The following DPH6 variants were observed in gnomAD, a reference collection of about 807,000 sequenced individuals.
DPH6 encodes the protein diphthamine biosynthesis 6.
DPH6 carries 33 observed loss-of-function variants against 38.2 expected under a neutral mutation model. The observed-to-expected ratio is 0.86, with a 90% CI of 0.65 to 1.15. DPH6 has a LOEUF of 1.15. Ranked by LOEUF, DPH6 falls within the 50% of genes most tolerant of loss-of-function variation. The pLI, the probability that DPH6 is intolerant of heterozygous loss-of-function variation, is 0.00. For missense variants in DPH6, 325 were observed against 320.0 expected (o/e 1.02, Z -0.12); for synonymous variants, 108 against 103.0 (o/e 1.05, Z -0.30).
chr15:35,526,410 T>C (rs1425452963), intron 3 of DPH6, among the ~76,000 whole-genome samples: 1 of 152,176 alleles, frequency 6.6e-6, no homozygotes, highest in African/African-American at 2.4e-5. Flanking sequence ...CATAATTTTG[T>C]CAAAGTTAGA....
chr15:35,468,058 G>C (rs984853590), intron 3 of DPH6, among the ~76,000 whole-genome samples: 1 of 152,130 alleles, frequency 6.6e-6, no homozygotes, highest in African/African-American at 2.4e-5. Context: ...TCATAAAACT[G>C]AATTTCTTGA....
intron 3 of DPH6, among the ~76,000 whole-genome samples, chr15:35,510,302 G>T (rs193276125): frequency 6.6e-6 from 1 of 152,140 alleles, no homozygotes; most frequent in African/African-American, 2.4e-5. Context: ...GAACTTTGTC[G>T]TATCATCTCC....
chr15:35,205,300 G>A, the DPH6 span, among the ~76,000 whole-genome samples: 1 of 151,842 alleles, frequency 6.6e-6, no homozygotes, highest in Non-Finnish European at 1.5e-5. Context: ...GAGTTTTGAA[G>A]GTATCTGGAG....
At chr15:35,534,784 T>C (rs971809186) in intron 3 of DPH6, among the ~76,000 whole-genome samples, 5 of 152,222 alleles carry the variant, frequency 3.3e-5, no homozygotes, top group Admixed American at 6.5e-5. Context: ...ATCCTTACAC[T>C]GCAATTCTAT....
At chr15:35,483,056 T>G (rs1030975780) in intron 3 of DPH6, among the ~76,000 whole-genome samples, 11 of 152,034 alleles carry the variant, frequency 7.2e-5, no homozygotes, top group Non-Finnish European at 1.6e-4. Flanking sequence ...AGAATATAAA[T>G]CACTAAAAAT....
chr15:35,272,178 T>C (rs1566856182), intron 3 of DPH6, among the ~76,000 whole-genome samples: 1 of 152,134 alleles, frequency 6.6e-6, no homozygotes, highest in Non-Finnish European at 1.5e-5. Flanking sequence ...AACAAATATT[T>C]ATATAGCATT....
intron 3 of DPH6, among the ~76,000 whole-genome samples, chr15:35,529,229 G>A (rs1595446132): frequency 6.6e-6 from 1 of 152,160 alleles, no homozygotes; most frequent in African/African-American, 2.4e-5. Context: ...GGCTGTACAG[G>A]CTTCTGCTTC....
In DPH6 at chr15:35,237,954, A is replaced by G. The variant is rs773833256; in HGVS notation, n.201-17372T>C. On this transcript the variant is annotated intron_variant and non_coding_transcript_variant, in intron 3 of 3. Transcript: ENST00000560386. ...GAGGAGGAGGAGGATGAAAAAGGTTATAACGATGGAGAGGTTGATGATGAG... is the reference window on the plus strand; with the variant it reads ...GAGGAGGAGGAGGATGAAAAAGGTTGTAACGATGGAGAGGTTGATGATGAG... 81 of 1,419,054 alleles carry G rather than the reference A, an allele frequency of 5.7e-5. No individual in the cohort carries two copies. The Middle Eastern group carries it at 8.7e-4, about 15-fold the overall frequency. The allele number at this position is 1,419,054 out of a possible 1,614,324, so 87.9% of individuals were successfully genotyped here.
At chr15:35,242,727 T>C (rs2051608874) in intron 3 of DPH6, among the ~76,000 whole-genome samples, 1 of 143,028 alleles carries the variant, frequency 7.0e-6, no homozygotes, top group African/African-American at 2.5e-5. Flanking sequence ...GTCCTCAGAA[T>C]GCTACAAGGT....
chr15:35,256,526 A>AT (rs569068846), intron 3 of DPH6, among the ~76,000 whole-genome samples: 11 of 152,262 alleles, frequency 7.2e-5, no homozygotes, highest in South Asian at 2.1e-4. Flanking sequence ...CTAAAATATA[A>AT]TTTTTTTTCT....
intron 3 of DPH6, among the ~76,000 whole-genome samples, chr15:35,323,991 T>C (rs1304568587): frequency 6.6e-6 from 1 of 152,180 alleles, no homozygotes; most frequent in East Asian, 1.9e-4. Context: ...GAAGCCATAT[T>C]GCAAAGAGGG....
intron 5 of DPH6, among the ~76,000 whole-genome samples, chr15:35,444,353 G>C (rs1222938999): frequency 2.0e-5 from 3 of 152,064 alleles, no homozygotes; most frequent in Non-Finnish European, 2.9e-5. Flanking sequence ...GCATGAGAAA[G>C]ACAAATTCCC....
At chr15:35,167,217 A>G in the DPH6 span, among the ~76,000 whole-genome samples, 2 of 152,082 alleles carry the variant, frequency 1.3e-5, no homozygotes, top group African/African-American at 4.8e-5. Flanking sequence ...CCACTGGAAG[A>G]CTCAGAAGAA....
At chr15:35,387,917 T>C (rs1159487361) in intron 6 of DPH6, among the ~76,000 whole-genome samples, 1 of 152,178 alleles carries the variant, frequency 6.6e-6, no homozygotes, top group Admixed American at 6.5e-5. Context: ...CCCTGTCTTG[T>C]GCCAGTTTTC....
At chr15:35,388,328 CTTTGG>C (rs2053001772) in intron 6 of DPH6, among the ~76,000 whole-genome samples, 5 of 152,088 alleles carry the variant, frequency 3.3e-5, no homozygotes, top group Admixed American at 3.3e-4. Context: ...CTCTGCCAGG[CTTTGG>C]TATCAGGATG....
chr15:35,538,809 T>A (rs544210655), intron 2 of DPH6, among the ~76,000 whole-genome samples: 23 of 152,242 alleles, frequency 1.5e-4, no homozygotes, highest in African/African-American at 5.3e-4. Flanking sequence ...TTTTATTACA[T>A]AAATGTTTTT....
intron 6 of DPH6, among the ~76,000 whole-genome samples, chr15:35,391,915 A>AC (rs1225226655): frequency 6.6e-6 from 1 of 151,966 alleles, no homozygotes; most frequent in Non-Finnish European, 1.5e-5. Flanking sequence ...TGCAGAAATC[A>AC]CCCGTCTTCT....
At chr15:35,381,742 G>C in intron 7 of DPH6, 80 bp downstream of exon 7, 2 of 1,108,698 alleles carry the variant, frequency 1.8e-6, no homozygotes, top group Non-Finnish European at 2.7e-6. Flanking sequence ...CCCAACAAAA[G>C]TTGCCTCAAG....
At chr15:35,342,813 T>C (rs2052432299) in intron 3 of DPH6, among the ~76,000 whole-genome samples, 1 of 152,238 alleles carries the variant, frequency 6.6e-6, no homozygotes, top group South Asian at 2.1e-4. Flanking sequence ...TTTTTCTTTA[T>C]AATTTTAAGA....
Sources: gnomAD v4.1 joint callset for allele counts (sites outside exome capture counted in the v4.1 genomes callset) on GRCh38, gnomAD v4.1.1 for gene constraint, MANE v1.5 for transcripts, NCBI Gene and HGNC (gene_info 2026-07-23, HGNC 2026-07-21) for gene names.